The following ZCCHC8 variants were observed in gnomAD, a reference collection of about 807,000 sequenced individuals.
ZCCHC8 encodes the protein zinc finger CCHC-type containing 8, also known as zinc finger CCHC domain-containing protein 8.
In ZCCHC8, 27 loss-of-function variants were observed where a neutral mutation model predicts 70.6. That is an observed-to-expected ratio of 0.38 (90% CI 0.28 to 0.53). The LOEUF (loss-of-function observed/expected upper bound fraction) is 0.53. Among genes scored for constraint, ZCCHC8 ranks in the 20% least tolerant of loss-of-function variants. The pLI, the probability that ZCCHC8 is intolerant of heterozygous loss-of-function variation, is 0.81. For synonymous variants in ZCCHC8, 293 were observed against 317.4 expected (o/e 0.92, Z 0.82); for missense variants, 737 against 876.9 (o/e 0.84, Z 2.01).
chr12:122,482,406 CA>C (rs1355319812), intron 8 of ZCCHC8: 1 of 434,944 alleles, frequency 2.3e-6, no homozygotes, highest in African/African-American at 2.0e-5. Flanking sequence ...AATATGAACA[CA>C]AATTTGAAAA....
At chr12:122,494,858 C>T (rs1328327974) in intron 2 of ZCCHC8, among the ~76,000 whole-genome samples, 2 of 152,106 alleles carry the variant, frequency 1.3e-5, no homozygotes, top group African/African-American at 4.8e-5. Context: ...CTCGGCCAAC[C>T]AGGGATGTTT....
At chr12:122,482,970 G>GAAC (rs1292781879) in intron 7 of ZCCHC8, 1 of 522,070 alleles carries the variant, frequency 1.9e-6, no homozygotes, top group East Asian at 3.1e-5. Context: ...GAATCAAGGT[G>GAAC]AACACATTGA....
chr12:122,481,480 AGG>A, intron 10 of ZCCHC8, 40 bp downstream of exon 10: 3 of 1,511,600 alleles, frequency 2.0e-6, no homozygotes, highest in Admixed American at 2.3e-5. Context: ...AAAAAAAAAA[AGG>A]AAACACTTAA....
intron 5 of ZCCHC8, among the ~76,000 whole-genome samples, chr12:122,486,834 T>G (rs1319017743): frequency 6.6e-6 from 1 of 152,168 alleles, no homozygotes; most frequent in African/African-American, 2.4e-5. Flanking sequence ...CCTCCCAAAG[T>G]GCTGGGATTA....
At chr12:122,495,847 CAAAAAAAAAAAAAAAAAAAAAAAAAAA>C (rs538311699) in intron 2 of ZCCHC8, among the ~76,000 whole-genome samples, 49 of 78,312 alleles carry the variant, frequency 6.3e-4, no homozygotes, top group Non-Finnish European at 9.0e-4. Context: ...CACTCTGTCT[CAAAAAAAAAAAAAAAAAAAAAAAAAAA>C]AAAAAAAAAA....
chr12:122,478,956 C>A (rs1252782156), intron 11 of ZCCHC8, among the ~76,000 whole-genome samples: 1 of 152,172 alleles, frequency 6.6e-6, no homozygotes, highest in Non-Finnish European at 1.5e-5. Context: ...CACTTCCGCC[C>A]GTAATGAATT....
At chr12:122,493,327 T>C (rs1235099424) in intron 2 of ZCCHC8, among the ~76,000 whole-genome samples, 1 of 152,214 alleles carries the variant, frequency 6.6e-6, no homozygotes, top group Non-Finnish European at 1.5e-5. Context: ...CTGCAGTTAA[T>C]CTTTCAGTTT....
intron 13 of ZCCHC8, 79 bp from the exon 14 acceptor site, chr12:122,474,354 G>C (rs1248241408): frequency 2.9e-5 from 37 of 1,272,604 alleles, no homozygotes; most frequent in Non-Finnish European, 3.7e-5. Context: ...TTGAACTCAG[G>C]TGTATCCAGT....
At chr12:122,480,157 C>T (rs1279549919) in intron 11 of ZCCHC8, 33 bp downstream of exon 11, 1 of 1,506,306 alleles carries the variant, frequency 6.6e-7, no homozygotes, top group Non-Finnish European at 9.1e-7. Context: ...AATATCACAT[C>T]ACATGATAAT....
intron 13 of ZCCHC8, among the ~76,000 whole-genome samples, chr12:122,477,620 T>A (rs1418875703): frequency 1.4e-5 from 2 of 138,842 alleles, no homozygotes; most frequent in African/African-American, 5.3e-5. Context: ...CTGTCTCTAC[T>A]AAAAAAAAAA....
chr12:122,475,159 T>C (rs1187452048), intron 13 of ZCCHC8, among the ~76,000 whole-genome samples: 1 of 152,148 alleles, frequency 6.6e-6, no homozygotes, highest in Admixed American at 6.6e-5. Context: ...GCAGTTCTTC[T>C]GCCTCTGCCT....
At chr12:122,482,273 C>T (rs1053273375) in intron 8 of ZCCHC8, 186 bp from the exon 9 acceptor site, 2 of 529,928 alleles carry the variant, frequency 3.8e-6, no homozygotes, top group African/African-American at 3.9e-5. Flanking sequence ...CTATTTATTA[C>T]CTATTATCAT....
chr12:122,491,626 T>G (rs1269073339), intron 3 of ZCCHC8, among the ~76,000 whole-genome samples: 1 of 150,356 alleles, frequency 6.7e-6, no homozygotes, highest in South Asian at 2.1e-4. Context: ...GTCGGGAGTT[T>G]GAGACCAGCC....
intron 2 of ZCCHC8, among the ~76,000 whole-genome samples, chr12:122,493,745 T>G (rs1957783348): frequency 6.6e-6 from 1 of 152,202 alleles, no homozygotes; most frequent in Admixed American, 6.5e-5. Context: ...CCCAAGTAGC[T>G]GGGACTACAG....
Position 122,485,195 on chromosome 12 carries a change from G to A in ZCCHC8, c.502-1632C>T, listed in dbSNP as rs183501717. Among the ~76,000 whole-genome samples, 19 of 152,174 alleles carry A rather than the reference G, an allele frequency of 1.2e-4. 1 individual carries two copies. The highest frequency in any genetic ancestry group is 3.4e-3 in the Middle Eastern group (1 of 294). On this transcript the variant is annotated intron_variant, in intron 5 of 13. Coordinates refer to ENST00000633063, the MANE Select transcript of ZCCHC8 (RefSeq NM_017612.5). ...GCAATCTCAGCTCACTGCAACCTCCGGTTGAACCTCCTGGGTTCAAGCGAT... is the reference window on the plus strand; with the variant it reads ...GCAATCTCAGCTCACTGCAACCTCCAGTTGAACCTCCTGGGTTCAAGCGAT...
Position 122,483,628 on chromosome 12 carries a change from A to G in ZCCHC8, c.502-65T>C. The stretch of plus-strand genomic sequence containing the variant: ...AAAAAAAGACATTAAATAATGTAAG[A>G]TTATGATTAACTGTTTTAACAATTT... On this transcript the variant is annotated intron_variant, in intron 5 of 13. Coordinates refer to ENST00000633063, the MANE Select transcript of ZCCHC8 (RefSeq NM_017612.5). This position sits in a 1 kb window ranked among gnomAD's most constrained non-coding sequence, Gnocchi z 4.4. 8.3e-7 allele frequency: 1 copy of G among 1,210,360 alleles called. No individual in the cohort carries two copies. The allele number at this position is 1,210,360 out of a possible 1,614,324, so 75.0% of individuals were successfully genotyped here.
intron 5 of ZCCHC8, chr12:122,484,051 G>GTCTGCCTC (rs1555294779): frequency 3.2e-5 from 5 of 157,474 alleles, no homozygotes; most frequent in Non-Finnish European, 7.0e-5. Flanking sequence ...TAACATTTTT[G>GTCTGCCTC]TCTGCCTCTC....
rs576354272 is a variant in ZCCHC8 at position 122,500,202 on chromosome 12, G to A, written c.199+440C>T. The A allele has an allele frequency of 1.4e-3, 227 of 165,484 alleles. No homozygotes were observed. The highest frequency in any genetic ancestry group is 5.3e-3 in the African/African-American group (222 of 41,696). 10.3% of individuals were successfully genotyped at this position (165,484 alleles called of 1,614,324 possible). Reference sequence around the variant, plus strand: ...TTCTGGGACCACTAGCGTTTGCCCCGGTATAAAAACCGATCCCGCGTCTAA... The same window carrying A: ...TTCTGGGACCACTAGCGTTTGCCCCAGTATAAAAACCGATCCCGCGTCTAA... On this transcript the variant is annotated intron_variant, in intron 1 of 13. Coordinates refer to ENST00000633063, the MANE Select transcript of ZCCHC8 (RefSeq NM_017612.5). The surrounding 1 kb of genome is among the most constrained non-coding windows in gnomAD (Gnocchi z 4.8).
intron 2 of ZCCHC8, among the ~76,000 whole-genome samples, chr12:122,493,433 T>G (rs1219246705): frequency 6.6e-6 from 1 of 152,012 alleles, no homozygotes; most frequent in Non-Finnish European, 1.5e-5. Context: ...TACTTCCTCT[T>G]TTTTTGGGAT....
Sources: gnomAD v4.1 joint callset for allele counts (sites outside exome capture counted in the v4.1 genomes callset) on GRCh38, gnomAD v4.1.1 for gene constraint, Gnocchi (gnomAD v3.1) non-coding constraint, MANE v1.5 for transcripts, NCBI Gene and HGNC (gene_info 2026-07-23, HGNC 2026-07-21) for gene names.